CSDE1: variants seen among roughly 807,000 people sequenced by gnomAD.
CSDE1 encodes the protein cold shock domain containing E1.
In CSDE1, 17 loss-of-function variants were observed where a neutral mutation model predicts 89.3. That is an observed-to-expected ratio of 0.19 (90% CI 0.13 to 0.29). The LOEUF (loss-of-function observed/expected upper bound fraction) is 0.29. Ranked by LOEUF, CSDE1 falls within the 10% of genes least tolerant of loss-of-function variation. CSDE1 has a pLI of 1.00. For missense variants in CSDE1, 672 were observed against 984.2 expected (o/e 0.68, Z 4.24); for synonymous variants, 322 against 332.8 (o/e 0.97, Z 0.35).
At position 114,726,961 on chromosome 1, in the gene CSDE1, C is replaced by T. The variant is rs369658417; in HGVS notation, c.1464+22G>A. Reference sequence around the variant, plus strand: ...AAGATGACAACTCTTAACCCTCTCTCGAATGAGCAGAATTATCTTGCCTTA... The same window carrying T: ...AAGATGACAACTCTTAACCCTCTCTTGAATGAGCAGAATTATCTTGCCTTA... On this transcript the variant is annotated intron_variant, in intron 13 of 19. Coordinates refer to ENST00000358528, the MANE Select transcript of CSDE1 (RefSeq NM_001007553.3). 255 of 1,516,828 alleles carry T rather than the reference C, an allele frequency of 1.7e-4. No individual in the cohort carries two copies. In the African/African-American group the frequency reaches 2.4e-3, roughly 14 times the overall value. 94.0% of individuals were successfully genotyped at this position (1,516,828 alleles called of 1,614,324 possible).
rs146054772 is a variant in CSDE1 at position 114,730,523 on chromosome 1, C to T, written c.1176G>A (p.Glu392=). 1.2e-4 allele frequency: 195 copies of T among 1,614,122 alleles called. No individual in the cohort carries two copies. The highest frequency in any genetic ancestry group is 1.2e-3 in the Middle Eastern group (7 of 6,062). ...AACAACTCACAGGAACCACAGTAAA[C>T]TCTACTTCATCTGCAATATGGAGCT... is the stretch of plus-strand genomic sequence containing the variant. ...GNQLHIADEV[E]FTVVPDMLSA... Residue 392 remains glutamate, a synonymous_variant, in exon 11 of 20, where the codon GAG becomes GAA. Transcript: ENST00000358528.
In CSDE1 at chr1:114,733,721, A is replaced by G. The variant is rs751201123; in HGVS notation, c.837+11T>C. 1.2e-6 allele frequency: 2 copies of G among 1,611,582 alleles called. No individual in the cohort carries two copies. Among genetic ancestry groups the G allele is most frequent in the Non-Finnish European group, 1.7e-6 (2 of 1,179,026 alleles). On this transcript the variant is annotated intron_variant, in intron 9 of 19. Coordinates refer to ENST00000358528, the MANE Select transcript of CSDE1 (RefSeq NM_001007553.3). ...AGGCGAAATAGGACTCTCCTGAAAA[A>G]GATTATTTACCTGGTTTTTACTGGG...
chr1:114,736,643 G>A, intron 6 of CSDE1, 115 bp downstream of exon 6: 2 of 631,430 alleles, frequency 3.2e-6, no homozygotes, highest in Non-Finnish European at 5.6e-6. Context: ...TGAATTGAAA[G>A]TTCATGAAAA....
At position 114,734,223 on chromosome 1, in the gene CSDE1, T is replaced by A. The variant is rs12068530; in HGVS notation, c.583-106A>T. ...TAAAATTATACTGTAGTCACAATAA[T>A]ATAATTTGGTACAACCTAATATTAT... On this transcript the variant is annotated intron_variant, in intron 7 of 19. Transcript: ENST00000358528. 1.1e-3 allele frequency: 1,407 copies of A among 1,313,982 alleles called. 15 individuals carry two copies. The African/African-American group carries it at 0.019, about 18-fold the overall frequency. The allele number at this position is 1,313,982 out of a possible 1,614,324, so 81.4% of individuals were successfully genotyped here.
intron 14 of CSDE1, 87 bp from the exon 15 acceptor site, chr1:114,725,420 G>C: frequency 1.0e-6 from 1 of 988,090 alleles, no homozygotes; most frequent in Non-Finnish European, 1.6e-6. Flanking sequence ...TAACAGTCAT[G>C]GCATGGCATG....
chr1:114,741,072 T>C (rs1660700411), intron 2 of CSDE1, among the ~76,000 whole-genome samples: 1 of 152,194 alleles, frequency 6.6e-6, no homozygotes, highest in Non-Finnish European at 1.5e-5. Flanking sequence ...CACTGTTCTG[T>C]GTTTAACATA....
chr1:114,748,848 T>C (rs1457767902), intron 2 of CSDE1, among the ~76,000 whole-genome samples: 1 of 152,226 alleles, frequency 6.6e-6, no homozygotes, highest in African/African-American at 2.4e-5. Context: ...CTTCTGAATA[T>C]TACTTTAAAA....
intron 12 of CSDE1, 28 bp from the exon 13 acceptor site, chr1:114,727,118 GA>G: frequency 6.7e-7 from 1 of 1,488,194 alleles, no homozygotes; most frequent in Non-Finnish European, 9.4e-7. Flanking sequence ...AAAACAGAAT[GA>G]AAACAATCTC....
At chr1:114,749,374 TA>T (rs1400073523) in intron 2 of CSDE1, among the ~76,000 whole-genome samples, 5 of 152,200 alleles carry the variant, frequency 3.3e-5, no homozygotes. Flanking sequence ...GTGCACTGTA[TA>T]CCGTTCACAA....
intron 3 of CSDE1, among the ~76,000 whole-genome samples, chr1:114,738,659 A>C (rs1660540140): frequency 7.3e-6 from 1 of 137,884 alleles, no homozygotes; most frequent in Admixed American, 7.1e-5. Context: ...CACATGTAAA[A>C]ACTTTTTTTT....
At chr1:114,722,434 C>T (rs768814057) in intron 16 of CSDE1, among the ~76,000 whole-genome samples, 2 of 152,208 alleles carry the variant, frequency 1.3e-5, no homozygotes, top group African/African-American at 2.4e-5. Flanking sequence ...TATGCTAGAA[C>T]GGTGTCCAGA....
intron 4 of CSDE1, 116 bp downstream of exon 4, chr1:114,737,847 T>C (rs1660487840): frequency 5.5e-6 from 4 of 731,676 alleles, no homozygotes; most frequent in South Asian, 3.4e-5. Flanking sequence ...GTAATCTTTA[T>C]ATACTATAGC....
At chr1:114,757,275 T>G (rs1477560232) in intron 1 of CSDE1, among the ~76,000 whole-genome samples, 1 of 152,174 alleles carries the variant, frequency 6.6e-6, no homozygotes, top group Non-Finnish European at 1.5e-5. Flanking sequence ...CAGATGTGGC[T>G]GGGGAAAGGT....
chr1:114,736,338 G>T (rs1429811794), intron 6 of CSDE1, among the ~76,000 whole-genome samples: 1 of 152,120 alleles, frequency 6.6e-6, no homozygotes, highest in African/African-American at 2.4e-5. Context: ...AAACAACGCA[G>T]ATTCCTACAT....
rs144775777 is a variant in CSDE1 at position 114,753,016 on chromosome 1, A to C, written c.-387-2809T>G. ...CGCCACAATTCAAGTGTAAACAGTT[A>C]TGCCACAATTCAAGTGTAAACAGTT... On this transcript the variant is annotated intron_variant, in intron 1 of 19. Transcript: ENST00000358528. Among the ~76,000 whole-genome samples the C allele has an allele frequency of 1.6e-3, 240 of 152,302 alleles. 1 individual carries two copies. Among genetic ancestry groups the C allele is most frequent in the African/African-American group, 5.5e-3 (227 of 41,530 alleles).
intron 2 of CSDE1, among the ~76,000 whole-genome samples, chr1:114,742,010 C>A (rs1660753280): frequency 2.0e-5 from 3 of 152,160 alleles, no homozygotes; most frequent in South Asian, 4.1e-4. Context: ...ACACTGATAA[C>A]CCAATGGGGT....
intron 16 of CSDE1, among the ~76,000 whole-genome samples, chr1:114,722,016 G>A (rs1009605732): frequency 6.6e-6 from 1 of 151,464 alleles, no homozygotes. Flanking sequence ...GAAGTAGCTG[G>A]GATTATAGGC....
intron 10 of CSDE1, 60 bp downstream of exon 10, chr1:114,732,544 C>T (rs1660159740): frequency 1.3e-6 from 2 of 1,528,086 alleles, no homozygotes; most frequent in Admixed American, 3.4e-5. Context: ...GTAGTATAAA[C>T]TTGAATATAA....
chr1:114,741,542 T>C (rs187247653), intron 2 of CSDE1: 167 of 1,550,244 alleles, frequency 1.1e-4, no homozygotes, highest in Admixed American at 7.1e-4. Context: ...TCTGATAAGT[T>C]GGGGTCCTCT....
Sources: gnomAD v4.1 joint callset for allele counts (sites outside exome capture counted in the v4.1 genomes callset) on GRCh38, gnomAD v4.1.1 for gene constraint, MANE v1.5 for transcripts, NCBI Gene and HGNC (gene_info 2026-07-23, HGNC 2026-07-21) for gene names.